Variants in PCDHGA7 observed in about 807,000 individuals in gnomAD.
PCDHGA7 encodes protocadherin gamma subfamily A, 7, also known as protocadherin gamma-A7.
In PCDHGA7, 44 loss-of-function variants were observed where a neutral mutation model predicts 58.3. The ratio of observed to expected loss-of-function variants is 0.75; its 90% CI spans 0.59 to 0.97. PCDHGA7 has a LOEUF of 0.97. Among genes scored for constraint, PCDHGA7 ranks in the 50% least tolerant of loss-of-function variants. The probability of loss-of-function intolerance (pLI) is 0.00; values close to 1 mark genes in which losing one functional copy is unlikely to be tolerated. For synonymous variants in PCDHGA7, 516 were observed against 504.2 expected, an observed-to-expected ratio of 1.02 and a Z score of -0.31; for missense variants, 1,266 against 1,188.7, an observed-to-expected ratio of 1.06 and a Z score of -0.96.
At chr5:141,404,776 A>C in intron 1 of PCDHGA7, 1 of 1,613,070 alleles carries the variant, frequency 6.2e-7, no homozygotes, top group Non-Finnish European at 8.5e-7. Context: ...CCTACCGCCT[A>C]TTCAAGGCCA....
At chr5:141,456,918 G>C (rs535602842) in intron 1 of PCDHGA7, among the ~76,000 whole-genome samples, 49 of 152,124 alleles carry the variant, frequency 3.2e-4, no homozygotes, top group African/African-American at 1.2e-3. Context: ...AGCCGAGATC[G>C]CACCACTGCA....
intron 2 of PCDHGA7, among the ~76,000 whole-genome samples, chr5:141,495,663 G>T (rs756466649): frequency 6.6e-6 from 1 of 152,050 alleles, no homozygotes; most frequent in African/African-American, 2.4e-5. Context: ...GATCTGTGCC[G>T]CCCACTGTGC....
chr5:141,489,427 C>T lies in PCDHGA7; in HGVS notation c.2425-5380C>T, dbSNP rs370540900. 83 of 1,613,990 alleles carry T rather than the reference C, an allele frequency of 5.1e-5. No individual in the cohort carries two copies. The highest frequency in any genetic ancestry group is 8.3e-5 in the Admixed American group (5 of 59,996). On this transcript the variant is annotated intron_variant, in intron 1 of 3. Transcript: ENST00000518325. The surrounding 1 kb of genome is among the most constrained non-coding windows in gnomAD (Gnocchi z 4.5). ...AAAGATGACAGATCTGTTGAGCCGGCGGCTGCAATTGGGCTCTGAGGAGAA... is the reference window on the plus strand; with the variant it reads ...AAAGATGACAGATCTGTTGAGCCGGTGGCTGCAATTGGGCTCTGAGGAGAA...
intron 1 of PCDHGA7, among the ~76,000 whole-genome samples, chr5:141,470,842 C>A (rs2099241464): frequency 6.6e-6 from 1 of 152,044 alleles, no homozygotes; most frequent in Non-Finnish European, 1.5e-5. Context: ...CACACGCCAC[C>A]ATGCTCAGAT....
intron 1 of PCDHGA7, among the ~76,000 whole-genome samples, chr5:141,406,662 A>G (rs1357382326): frequency 6.6e-6 from 1 of 152,208 alleles, no homozygotes; most frequent in Non-Finnish European, 1.5e-5. Flanking sequence ...TTAATGTTAA[A>G]TTATGGAGAA....
At chr5:141,421,889 C>T (rs1280668349) in intron 1 of PCDHGA7, 5 of 1,613,574 alleles carry the variant, frequency 3.1e-6, no homozygotes, top group African/African-American at 1.3e-5. Flanking sequence ...GGAGGCGATC[C>T]CATCCGAAAG....
At chr5:141,441,638 G>A (rs1456506194) in intron 1 of PCDHGA7, 2 of 226,008 alleles carry the variant, frequency 8.8e-6, no homozygotes, top group Non-Finnish European at 1.8e-5. Flanking sequence ...AGCCACAGGC[G>A]CTGTGATTCT....
At chr5:141,420,733 A>T (rs989644819) in intron 1 of PCDHGA7, among the ~76,000 whole-genome samples, 1 of 152,250 alleles carries the variant, frequency 6.6e-6, no homozygotes, top group African/African-American at 2.4e-5. Flanking sequence ...GTCGGTTAAA[A>T]TCAATTGGAA....
chr5:141,481,856 G>A (rs1402368786), intron 1 of PCDHGA7, among the ~76,000 whole-genome samples: 1 of 149,156 alleles, frequency 6.7e-6, no homozygotes, highest in Admixed American at 6.8e-5. Flanking sequence ...GGAGGTTGCA[G>A]TGAGCCGAGA....
At chr5:141,438,232 GT>G (rs531572606) in intron 1 of PCDHGA7, among the ~76,000 whole-genome samples, 207 of 152,154 alleles carry the variant, frequency 1.4e-3, no homozygotes, top group Middle Eastern at 0.01. Flanking sequence ...TCAGGAAAAT[GT>G]TTTTAAAAAA....
chr5:141,422,975 C>T (rs751065595), intron 1 of PCDHGA7: 130 of 1,614,092 alleles, frequency 8.1e-5, no homozygotes, highest in Non-Finnish European at 1.0e-4. Context: ...CCCCGCTCTG[C>T]GGAACCTGGC....
At chr5:141,408,959 G>A (rs1434961395) in intron 1 of PCDHGA7, 1 of 1,613,722 alleles carries the variant, frequency 6.2e-7, no homozygotes, top group East Asian at 2.2e-5. Context: ...TAGTCTTAGT[G>A]AAAATCTGCC....
At chr5:141,450,790 A>G (rs2098694056) in intron 1 of PCDHGA7, among the ~76,000 whole-genome samples, 1 of 148,832 alleles carries the variant, frequency 6.7e-6, no homozygotes, top group Admixed American at 6.7e-5. Context: ...CCCGGACCTC[A>G]TGATTGTATT....
chr5:141,389,124 C>T (rs2091613941), intron 1 of PCDHGA7: 2 of 1,613,878 alleles, frequency 1.2e-6, no homozygotes, highest in South Asian at 2.2e-5. Context: ...CGAGCAGAAT[C>T]CAGAGTACAA....
chr5:141,403,210 C>T lies in PCDHGA7; in HGVS notation c.2424+17887C>T, dbSNP rs369033480. 123 of 1,613,946 alleles carry T rather than the reference C, an allele frequency of 7.6e-5. No homozygotes were observed. In the Middle Eastern group the frequency reaches 1.2e-3, roughly 15 times the overall value. On this transcript the variant is annotated intron_variant, in intron 1 of 3. Coordinates refer to ENST00000518325, the MANE Select transcript of PCDHGA7 (RefSeq NM_018920.4). Reference sequence around the variant, plus strand: ...ACCCGCGCAGCGGCACCTTGGTCACCGCGGGTAGGATAGACCGGGAGGAGC... The same window carrying T: ...ACCCGCGCAGCGGCACCTTGGTCACTGCGGGTAGGATAGACCGGGAGGAGC...
Position 141,432,057 on chromosome 5 carries a change from C to G in PCDHGA7, c.2424+46734C>G. On this transcript the variant is annotated intron_variant, in intron 1 of 3. Coordinates refer to ENST00000518325, the MANE Select transcript of PCDHGA7 (RefSeq NM_018920.4). This position sits in a 1 kb window ranked among gnomAD's most constrained non-coding sequence, Gnocchi z 6.0. The stretch of plus-strand genomic sequence containing the variant: ...ACTGACCGGGGAACCCCGCCCCTAT[C>G]CACGGAAACTCATATCTCGCTGAAC... 1 of 1,614,220 alleles carries G rather than the reference C, an allele frequency of 6.2e-7. No homozygotes were observed. The highest frequency in any genetic ancestry group is 8.5e-7 in the Non-Finnish European group (1 of 1,180,042).
chr5:141,506,380 T>C (rs1209879935), intron 3 of PCDHGA7, among the ~76,000 whole-genome samples: 1 of 141,314 alleles, frequency 7.1e-6, no homozygotes, highest in Non-Finnish European at 1.5e-5. Flanking sequence ...ACCTGGGAGG[T>C]GGCTGTGGTG....
In PCDHGA7 at chr5:141,383,949, G is replaced by T. The variant is rs538018556; in HGVS notation, c.1050G>T (p.Thr350=). The T allele has an allele frequency of 4.3e-6, 7 of 1,613,584 alleles. No homozygotes were observed. Among genetic ancestry groups the T allele is most frequent in the Non-Finnish European group, 5.9e-6 (7 of 1,179,704 alleles). ...ATAATGCTCCAGAAGTGACTATGAC[G>T]TCTTTAAGTAGCTCAATCCCTGAAG... ...VNDNAPEVTM[T]SLSSSIPEDT... is the part of the protein sequence containing the mutation. Residue 350 remains threonine (T), a synonymous_variant, in exon 1 of 4, where the codon ACG becomes ACT. Coordinates refer to ENST00000518325, the MANE Select transcript of PCDHGA7 (RefSeq NM_018920.4).
intron 1 of PCDHGA7, chr5:141,405,288 T>C: frequency 6.2e-7 from 1 of 1,614,110 alleles, no homozygotes; most frequent in African/African-American, 1.3e-5. Context: ...GCAGACACAC[T>C]CATCAGCCAG....
Sources: gnomAD v4.1 joint callset for allele counts (sites outside exome capture counted in the v4.1 genomes callset) on GRCh38, gnomAD v4.1.1 for gene constraint, Gnocchi (gnomAD v3.1) non-coding constraint, MANE v1.5 for transcripts, NCBI Gene and HGNC (gene_info 2026-07-23, HGNC 2026-07-21) for gene names.